The following ATP8A2 variants were observed in gnomAD, a reference collection of about 807,000 sequenced individuals.
ATP8A2 encodes phospholipid-transporting ATPase IB.
ATP8A2 carries 100 observed loss-of-function variants against 165.6 expected under a neutral mutation model. The ratio of observed to expected loss-of-function variants is 0.60; its 90% CI spans 0.51 to 0.71. The LOEUF (loss-of-function observed/expected upper bound fraction) is 0.71. Ranked by LOEUF, ATP8A2 falls within the 30% of genes least tolerant of loss-of-function variation. The probability of loss-of-function intolerance (pLI) is 0.00; values close to 1 mark genes in which losing one functional copy is unlikely to be tolerated. For synonymous variants in ATP8A2, 543 were observed against 548.8 expected (o/e 0.99, Z 0.15); for missense variants, 1,227 against 1,479.5 (o/e 0.83, Z 2.80).
chr13:25,957,721 T>G (rs576834798), intron 33 of ATP8A2, among the ~76,000 whole-genome samples: 5 of 152,150 alleles, frequency 3.3e-5, no homozygotes, highest in Non-Finnish European at 7.4e-5. Flanking sequence ...TCCTCAGGGA[T>G]CTAGAACCAG....
intron 33 of ATP8A2, among the ~76,000 whole-genome samples, chr13:25,956,123 C>G (rs1955512776): frequency 6.6e-6 from 1 of 151,780 alleles, no homozygotes; most frequent in South Asian, 2.1e-4. Flanking sequence ...TGGAACGTAT[C>G]TCAATAAGAG....
chr13:25,660,863 C>G (rs898379887), intron 24 of ATP8A2, among the ~76,000 whole-genome samples: 1 of 152,148 alleles, frequency 6.6e-6, no homozygotes, highest in Non-Finnish European at 1.5e-5. Context: ...GGGACTCTTT[C>G]CTGTTTGGCT....
At position 26,014,667 on chromosome 13, in the gene ATP8A2, A is replaced by G. The variant is rs900812238; in HGVS notation, c.3469+2045A>G. ...CAAAAAAACAAAAACAAAACTGTCT[A>G]TGGGACTATTGGGTTGGTTTCAATT... is the stretch of plus-strand genomic sequence containing the variant. On this transcript the variant is annotated intron_variant, in intron 36 of 36. Transcript: ENST00000381655. Among the ~76,000 whole-genome samples the G allele has an allele frequency of 5.3e-5, 8 of 152,206 alleles. No individual in the cohort carries two copies. The East Asian group carries it at 7.7e-4, about 15-fold the overall frequency.
At chr13:25,616,326 CTTTT>C (rs535891442) in intron 24 of ATP8A2, among the ~76,000 whole-genome samples, 6 of 106,736 alleles carry the variant, frequency 5.6e-5, no homozygotes, top group African/African-American at 2.3e-4. Flanking sequence ...TTCTTTCTTT[CTTTT>C]TTTTTTTTTT....
chr13:25,996,032 C>A (rs1956494451), intron 35 of ATP8A2, among the ~76,000 whole-genome samples: 1 of 152,140 alleles, frequency 6.6e-6, no homozygotes. Flanking sequence ...TAATGTCCTT[C>A]ATTTTCTCCA....
intron 2 of ATP8A2, among the ~76,000 whole-genome samples, chr13:25,500,092 T>C (rs1441358344): frequency 6.6e-6 from 1 of 152,184 alleles, no homozygotes; most frequent in Non-Finnish European, 1.5e-5. Flanking sequence ...CATAAATCTT[T>C]CATTTTATAG....
intron 24 of ATP8A2, among the ~76,000 whole-genome samples, chr13:25,591,862 T>A (rs1302058470): frequency 6.6e-6 from 1 of 152,208 alleles, no homozygotes; most frequent in East Asian, 1.9e-4. Flanking sequence ...CAAATATCTT[T>A]TTGAGATCCT....
chr13:25,565,184 T>C (rs2039275752), intron 16 of ATP8A2, among the ~76,000 whole-genome samples: 1 of 152,156 alleles, frequency 6.6e-6, no homozygotes, highest in African/African-American at 2.4e-5. Context: ...CAATTCACAG[T>C]TGTGAATTGT....
At chr13:25,776,203 C>T (rs2044738512) in intron 27 of ATP8A2, among the ~76,000 whole-genome samples, 1 of 152,354 alleles carries the variant, frequency 6.6e-6, no homozygotes, top group Middle Eastern at 3.4e-3. Flanking sequence ...TGTGCACTTG[C>T]AGAGAGGATG....
chr13:25,404,834 T>G (rs2033749070), intron 1 of ATP8A2, among the ~76,000 whole-genome samples: 1 of 151,952 alleles, frequency 6.6e-6, no homozygotes, highest in African/African-American at 2.4e-5. Context: ...CAATGGGCAC[T>G]CGTGGGAACT....
chr13:25,984,529 G>A (rs887001078), intron 35 of ATP8A2, among the ~76,000 whole-genome samples: 11 of 151,892 alleles, frequency 7.2e-5, no homozygotes, highest in South Asian at 4.2e-4. Flanking sequence ...GCTTGATCCC[G>A]GGAGGTAGAG....
chr13:25,560,624 CA>C (rs148115134), intron 15 of ATP8A2, among the ~76,000 whole-genome samples: 9,309 of 146,144 alleles, frequency 0.064, 389 homozygotes, highest in South Asian at 0.13. Flanking sequence ...CAGTTGAACC[CA>C]GGGGGCAGAG....
At chr13:25,764,717 T>C (rs2044455150) in intron 25 of ATP8A2, among the ~76,000 whole-genome samples, 1 of 152,262 alleles carries the variant, frequency 6.6e-6, no homozygotes, top group Admixed American at 6.5e-5. Context: ...TCATAAGGAC[T>C]GCTACATGTA....
At chr13:25,651,586 A>G (rs919884128) in intron 24 of ATP8A2, among the ~76,000 whole-genome samples, 1 of 151,916 alleles carries the variant, frequency 6.6e-6, no homozygotes, top group Non-Finnish European at 1.5e-5. Context: ...ATTTATGACT[A>G]TAGCATCTCT....
At chr13:25,821,481 T>G (rs1951179240) in intron 27 of ATP8A2, among the ~76,000 whole-genome samples, 1 of 152,234 alleles carries the variant, frequency 6.6e-6, no homozygotes, top group Admixed American at 6.5e-5. Context: ...CAGATTCATA[T>G]CCAGTTATAG....
intron 25 of ATP8A2, among the ~76,000 whole-genome samples, chr13:25,701,641 G>T (rs1044435657): frequency 6.6e-6 from 1 of 152,088 alleles, no homozygotes; most frequent in South Asian, 2.1e-4. Context: ...AAATGAGTCC[G>T]TTGGATTCTC....
intron 27 of ATP8A2, among the ~76,000 whole-genome samples, chr13:25,815,793 A>C (rs1439361207): frequency 1.3e-5 from 2 of 152,224 alleles, no homozygotes; most frequent in East Asian, 3.8e-4. Context: ...CCAAATATCC[A>C]TGTATGGGTG....
At chr13:25,584,626 A>G (rs1593586675) in intron 23 of ATP8A2, among the ~76,000 whole-genome samples, 1 of 152,206 alleles carries the variant, frequency 6.6e-6, no homozygotes, top group African/African-American at 2.4e-5. Flanking sequence ...AGGAAATTCT[A>G]CATTTCCCAG....
intron 6 of ATP8A2, among the ~76,000 whole-genome samples, chr13:25,536,542 A>G (rs969731515): frequency 1.3e-5 from 2 of 152,202 alleles, no homozygotes; most frequent in Non-Finnish European, 2.9e-5. Flanking sequence ...TAAAGCACCA[A>G]TAGGATACCT....
Sources: gnomAD v4.1 joint callset for allele counts (sites outside exome capture counted in the v4.1 genomes callset) on GRCh38, gnomAD v4.1.1 for gene constraint, MANE v1.5 for transcripts, NCBI Gene and HGNC (gene_info 2026-07-23, HGNC 2026-07-21) for gene names.